Variants in UBE3C observed in about 807,000 individuals in gnomAD.
UBE3C encodes the protein ubiquitin protein ligase E3C.
In UBE3C, 42 loss-of-function variants were observed where a neutral mutation model predicts 129.4. That is an observed-to-expected ratio of 0.32 (90% confidence interval 0.25 to 0.42). The LOEUF (loss-of-function observed/expected upper bound fraction) is 0.42. Among genes scored for constraint, UBE3C ranks in the 10% least tolerant of loss-of-function variants. The probability of loss-of-function intolerance (pLI) is 1.00; values close to 1 mark genes in which losing one functional copy is unlikely to be tolerated. For missense variants in UBE3C, 1,049 were observed against 1,319.1 expected (o/e 0.80, Z 3.17); for synonymous variants, 510 against 492.4 (o/e 1.04, Z -0.47).
chr7:157,211,113 G>T (rs1026563020), intron 13 of UBE3C, among the ~76,000 whole-genome samples: 1 of 151,016 alleles, frequency 6.6e-6, no homozygotes, highest in Non-Finnish European at 1.5e-5. Flanking sequence ...GAAACAGGAG[G>T]AAGTGGCAGG....
In UBE3C at chr7:157,198,075, A is replaced by G. The variant is rs566430443; in HGVS notation, c.1332-3646A>G. 34 of 1,611,954 alleles carry G rather than the reference A, an allele frequency of 2.1e-5. No individual in the cohort carries two copies. The African/African-American group carries it at 2.9e-4, about 14-fold the overall frequency. ...CAGGGGGATCTCTCCTCTTTTAACA[A>G]ACTCCAGAAATTGAGCATTTGTTGG... On this transcript the variant is annotated intron_variant, in intron 10 of 22. Transcript: ENST00000348165.
At chr7:157,231,479 G>C in intron 18 of UBE3C, 152 bp downstream of exon 18, 2 of 1,155,156 alleles carry the variant, frequency 1.7e-6, no homozygotes, top group South Asian at 3.1e-5. Context: ...AAACAAATTT[G>C]TATGGTTGTA....
chr7:157,139,705 C>A (rs1807376982), intron 1 of UBE3C, among the ~76,000 whole-genome samples: 1 of 152,226 alleles, frequency 6.6e-6, no homozygotes, highest in East Asian at 1.9e-4. Flanking sequence ...AACCCTGGCA[C>A]GCTTTGTGCC....
intron 9 of UBE3C, among the ~76,000 whole-genome samples, chr7:157,186,415 C>CAA (rs11390914): frequency 0.022 from 3,042 of 135,710 alleles, 39 homozygotes; most frequent in Non-Finnish European, 0.035. Flanking sequence ...AAGACTGTCT[C>CAA]AAAAAAAAAA....
At chr7:157,240,090 T>G (rs1360522065) in intron 18 of UBE3C, among the ~76,000 whole-genome samples, 4 of 151,844 alleles carry the variant, frequency 2.6e-5, no homozygotes, top group Non-Finnish European at 5.9e-5. Context: ...TTTGGTTTTT[T>G]GGGGTTTTTT....
At chr7:157,194,337 G>A (rs1052858027) in intron 10 of UBE3C, among the ~76,000 whole-genome samples, 1 of 152,158 alleles carries the variant, frequency 6.6e-6, no homozygotes, top group African/African-American at 2.4e-5. Flanking sequence ...AGCACTCCTG[G>A]TATGAAAACC....
chr7:157,216,907 C>G lies in UBE3C; in HGVS notation c.1850C>G (p.Thr617Arg). The G allele has an allele frequency of 6.2e-7, 1 of 1,613,890 alleles. No homozygotes were observed. Among genetic ancestry groups the G allele is most frequent in the Non-Finnish European group, 8.5e-7 (1 of 1,179,978 alleles). The change falls in exon 14 of 23, where the codon ACG becomes AGG. Residue 617 changes from threonine (T) to arginine (R), a missense_variant. Physicochemically the swap from Thr to Arg is moderately conservative, Grantham distance 71 (BLOSUM62 -1). Around this residue, in one of 4 missense-constraint regions of UBE3C, gnomAD observed 314 missense variants for 416.9 expected, o/e 0.75. Transcript: ENST00000348165. The part of the protein sequence containing the change: ...NLVKMLKSRD[T>R]RRNFCPPNHW... ...GTGAAAATGTTGAAGTCCAGAGACA[C>G]GAGGAGAAATTTTTGTCCTCCAAAC...
Position 157,139,181 on chromosome 7 carries a change from G to T in UBE3C, c.-92G>T. 1.1e-6 allele frequency: 1 copy of T among 952,278 alleles called. No individual in the cohort carries two copies. Among genetic ancestry groups the T allele is most frequent in the Non-Finnish European group, 1.3e-6 (1 of 777,764 alleles). 59.0% of individuals were successfully genotyped at this position (952,278 alleles called of 1,614,324 possible). On this transcript the variant is annotated 5_prime_UTR_variant, in exon 1 of 23. Coordinates refer to ENST00000348165, the MANE Select transcript of UBE3C (RefSeq NM_014671.3). ...GTCCTCGCTGCCCCGGGCCGGGCGG[G>T]CGGGCGCCGAGAGCCTCCCAGCCCG...
rs1028228270 is a variant in UBE3C at position 157,138,943 on chromosome 7, A to C, written c.-330A>C. Reference sequence around the variant, plus strand: ...AGGGCCGCGCACGCACTGACGGCTGACCGCCATCTTCCCTCCCGAGGCGGC... The same window carrying C: ...AGGGCCGCGCACGCACTGACGGCTGCCCGCCATCTTCCCTCCCGAGGCGGC... On this transcript the variant is annotated 5_prime_UTR_variant, in exon 1 of 23. Coordinates refer to ENST00000348165, the MANE Select transcript of UBE3C (RefSeq NM_014671.3). The C allele has an allele frequency of 6.7e-6, 1 of 150,220 alleles. No individual in the cohort carries two copies. The highest frequency in any genetic ancestry group is 2.5e-5 in the African/African-American group (1 of 40,526). 9.3% of individuals were successfully genotyped at this position (150,220 alleles called of 1,614,324 possible).
intron 17 of UBE3C, among the ~76,000 whole-genome samples, chr7:157,228,683 G>A (rs771609472): frequency 1.3e-5 from 2 of 152,158 alleles, no homozygotes; most frequent in Admixed American, 6.5e-5. Flanking sequence ...TGGCGGGCAC[G>A]GCAGGGCAGC....
At chr7:157,204,682 T>C (rs555514878) in intron 11 of UBE3C, among the ~76,000 whole-genome samples, 1 of 152,342 alleles carries the variant, frequency 6.6e-6, no homozygotes, top group East Asian at 1.9e-4. Flanking sequence ...TTAGTTTCCT[T>C]CTTCTTGAAG....
chr7:157,211,167 G>GGAGAGA (rs3039783), intron 13 of UBE3C, among the ~76,000 whole-genome samples: 7,171 of 137,100 alleles, frequency 0.052, 240 homozygotes, highest in Non-Finnish European at 0.071. Flanking sequence ...CCATATGTCT[G>GGAGAGA]GAGAGAGAGA....
intron 22 of UBE3C, among the ~76,000 whole-genome samples, chr7:157,261,657 A>G (rs1218731999): frequency 2.6e-5 from 4 of 152,252 alleles, no homozygotes; most frequent in African/African-American, 9.6e-5. Flanking sequence ...CAGTTGAAGT[A>G]CTATAAATAG....
At chr7:157,203,355 T>A (rs1367908360) in intron 11 of UBE3C, among the ~76,000 whole-genome samples, 1 of 152,214 alleles carries the variant, frequency 6.6e-6, no homozygotes, top group Non-Finnish European at 1.5e-5. Flanking sequence ...GAGAAATTCT[T>A]TTCTTTCATT....
chr7:157,238,535 T>C (rs1285918373), intron 18 of UBE3C, among the ~76,000 whole-genome samples: 1 of 152,066 alleles, frequency 6.6e-6, no homozygotes, highest in Non-Finnish European at 1.5e-5. Context: ...GGTTCTGTTA[T>C]GAGAACTAGA....
At chr7:157,143,137 G>A (rs1807504417) in intron 1 of UBE3C, among the ~76,000 whole-genome samples, 1 of 152,112 alleles carries the variant, frequency 6.6e-6, no homozygotes, top group Admixed American at 6.6e-5. Context: ...AAAGTGCTGG[G>A]ATTACAGGTA....
At chr7:157,232,553 T>G (rs1796049015) in intron 18 of UBE3C, among the ~76,000 whole-genome samples, 1 of 152,214 alleles carries the variant, frequency 6.6e-6, no homozygotes, top group Admixed American at 6.5e-5. Context: ...GTTTCCACCA[T>G]GTTGTCCAGA....
chr7:157,257,158 A>G (rs910581232), intron 22 of UBE3C, 114 bp downstream of exon 22: 86 of 1,402,726 alleles, frequency 6.1e-5, no homozygotes, highest in Non-Finnish European at 7.9e-5. Context: ...TTTTATCTTC[A>G]GCTAGATTTT....
intron 18 of UBE3C, among the ~76,000 whole-genome samples, chr7:157,236,594 C>T (rs887960767): frequency 2.0e-5 from 3 of 152,120 alleles, no homozygotes; most frequent in African/African-American, 7.2e-5. Context: ...CATTAGCATC[C>T]TTTTGTAAAA....
Sources: allele counts gnomAD v4.1 joint callset (sites outside exome capture counted in the v4.1 genomes callset), GRCh38; gene constraint gnomAD v4.1.1; regional missense constraint gnomAD v4.1.1; transcripts MANE v1.5; gene names NCBI Gene and HGNC (gene_info 2026-07-23, HGNC 2026-07-21).